SP1: variants seen among roughly 807,000 people sequenced by gnomAD.
SP1 encodes the protein transcription factor Sp1.
SP1 carries 6 observed loss-of-function variants against 66.3 expected under a neutral mutation model. The ratio of observed to expected loss-of-function variants is 0.09; its 90% confidence interval spans 0.05 to 0.18. The LOEUF (loss-of-function observed/expected upper bound fraction) is 0.18. SP1 is among the 10% of genes least tolerant of loss of function. The probability of loss-of-function intolerance (pLI) is 1.00; values close to 1 mark genes in which losing one functional copy is unlikely to be tolerated. For synonymous variants in SP1, 417 were observed against 360.8 expected, an observed-to-expected ratio of 1.16 and a Z score of -1.77; for missense variants, 848 against 964.5, an observed-to-expected ratio of 0.88 and a Z score of 1.60.
chr12:53,389,825 TTCTG>T (rs1325828879), intron 3 of SP1, among the ~76,000 whole-genome samples: 3 of 152,108 alleles, frequency 2.0e-5, no homozygotes, highest in African/African-American at 7.2e-5. Flanking sequence ...TTCTTGTGAG[TTCTG>T]TCTAATAAAG....
intron 3 of SP1, among the ~76,000 whole-genome samples, chr12:53,389,243 C>T (rs1490469068): frequency 5.2e-5 from 6 of 114,376 alleles, no homozygotes; most frequent in South Asian, 5.4e-4. Context: ...TTTTGGGAGA[C>T]GGAGTTTCAT....
At chr12:53,393,312 T>C (rs1938398344) in intron 3 of SP1, among the ~76,000 whole-genome samples, 1 of 152,102 alleles carries the variant, frequency 6.6e-6, no homozygotes, top group Non-Finnish European at 1.5e-5. Flanking sequence ...TTTTTCTTTT[T>C]TTTGAGACGG....
intron 3 of SP1, among the ~76,000 whole-genome samples, chr12:53,388,104 G>C (rs1288134344): frequency 6.6e-6 from 1 of 152,114 alleles, no homozygotes; most frequent in Non-Finnish European, 1.5e-5. Context: ...TATGGGAATA[G>C]AAATGGGAAA....
At chr12:53,387,781 C>T (rs1938263781) in intron 3 of SP1, among the ~76,000 whole-genome samples, 1 of 152,084 alleles carries the variant, frequency 6.6e-6, no homozygotes, top group Admixed American at 6.6e-5. Context: ...GTCAGGAGAT[C>T]AAGACCATCC....
chr12:53,405,709 AGGAG>A (rs1284010938), intron 3 of SP1, among the ~76,000 whole-genome samples: 9 of 148,240 alleles, frequency 6.1e-5, no homozygotes, highest in Admixed American at 2.7e-4. Context: ...GAAGGAGGGA[AGGAG>A]GGAGGGAGGG....
Position 53,382,946 on chromosome 12 carries a change from C to A in SP1, c.999C>A (p.Thr333=), listed in dbSNP as rs761854522. ...ATAGCTACTCAACTACTACTACCACCAGCAACATGGGAATTATGAACTTTA... is the reference window on the plus strand; with the variant it reads ...ATAGCTACTCAACTACTACTACCACAAGCAACATGGGAATTATGAACTTTA... ...NANSYSTTTT[T]SNMGIMNFTT... is the part of the protein sequence containing the mutation. The change falls in exon 3 of 6, where the codon ACC becomes ACA. Residue 333 remains threonine (T), a synonymous_variant. Transcript: ENST00000327443. 1 of 1,614,058 alleles carries A rather than the reference C, an allele frequency of 6.2e-7. No individual in the cohort carries two copies. The highest frequency in any genetic ancestry group is 1.1e-5 in the South Asian group (1 of 91,086).
rs776890112 is a variant in SP1, at chr12:53,383,188, C to G, written c.1241C>G (p.Ala414Gly). The G allele has an allele frequency of 4.3e-6, 7 of 1,614,112 alleles. No homozygotes were observed. Among genetic ancestry groups the G allele is most frequent in the Non-Finnish European group, 5.9e-6 (7 of 1,180,056 alleles). ...QLVQGGQALQ[A>G]LQAAPLSGQT... ...GTTCAAGGGGGACAGGCCCTCCAGGCCCTCCAAGCAGCACCATTGTCAGGG... is the reference window on the plus strand; with the variant it reads ...GTTCAAGGGGGACAGGCCCTCCAGGGCCTCCAAGCAGCACCATTGTCAGGG... The change falls in exon 3 of 6, where the codon GCC becomes GGC. Residue 414 changes from alanine to glycine, a missense_variant. By Grantham distance (60) the Ala-to-Gly change is moderately conservative (BLOSUM62 0). Coordinates refer to ENST00000327443, the MANE Select transcript of SP1 (RefSeq NM_138473.3).
rs1006232023 is a variant in SP1, at chr12:53,380,535, C to T, written c.7+237C>T. On this transcript the variant is annotated intron_variant, in intron 1 of 5. Coordinates refer to ENST00000327443, the MANE Select transcript of SP1 (RefSeq NM_138473.3). ...AGGGGGCAGCGTGGCCTCGCCCGCC[C>T]CCTGCCCGCCCCGGCCACGGGGGAC... 8 of 608,164 alleles carry T rather than the reference C, an allele frequency of 1.3e-5. No individual in the cohort carries two copies. In the African/African-American group the frequency reaches 1.4e-4, roughly 10 times the overall value. 37.7% of individuals were successfully genotyped at this position (608,164 alleles called of 1,614,324 possible).
chr12:53,408,553 C>G (rs1249803881), intron 4 of SP1, among the ~76,000 whole-genome samples: 1 of 151,554 alleles, frequency 6.6e-6, no homozygotes, highest in African/African-American at 2.4e-5. Context: ...GCCTCGGCCT[C>G]CAAAAGTGTT....
chr12:53,385,775 T>C (rs1938214240), intron 3 of SP1, among the ~76,000 whole-genome samples: 1 of 151,434 alleles, frequency 6.6e-6, no homozygotes, highest in Admixed American at 6.6e-5. Context: ...TAGCCGGGCG[T>C]GGTGGTACAA....
At chr12:53,397,579 C>CT (rs1402737108) in intron 3 of SP1, among the ~76,000 whole-genome samples, 23 of 144,080 alleles carry the variant, frequency 1.6e-4, no homozygotes, top group Admixed American at 2.8e-4. Flanking sequence ...ACTCTTTTTC[C>CT]TTTTTTTTTC....
At chr12:53,390,365 G>A (rs962616856) in intron 3 of SP1, among the ~76,000 whole-genome samples, 1 of 152,094 alleles carries the variant, frequency 6.6e-6, no homozygotes, top group Non-Finnish European at 1.5e-5. Flanking sequence ...AGTTTAAGTA[G>A]GAAAGATCTC....
chr12:53,407,304 TAA>T (rs1390030422), intron 4 of SP1, among the ~76,000 whole-genome samples: 3 of 146,144 alleles, frequency 2.1e-5, no homozygotes, highest in African/African-American at 7.6e-5. Flanking sequence ...TTACTGGCCA[TAA>T]AAAGAGAAAA....
chr12:53,387,549 A>G (rs1306236035), intron 3 of SP1, among the ~76,000 whole-genome samples: 1 of 152,224 alleles, frequency 6.6e-6, no homozygotes, highest in Non-Finnish European at 1.5e-5. Context: ...GAAGTTATTT[A>G]GTACAACTGC....
In SP1 at chr12:53,408,800, G is replaced by A. The variant is rs531505999; in HGVS notation, c.1845-562G>A. 5.7e-3 allele frequency among the ~76,000 whole-genome samples: 870 copies of A among 152,182 alleles called. 4 individuals are homozygous for A. Among genetic ancestry groups the A allele is most frequent in the Non-Finnish European group, 9.2e-3 (627 of 67,982 alleles). ...GGGCACCCATAGTCCCAGCTACTCG[G>A]GAGGCTGAGGCAGGAGAATGGCGTG... is the stretch of plus-strand genomic sequence containing the variant. On this transcript the variant is annotated intron_variant, in intron 4 of 5. Coordinates refer to ENST00000327443, the MANE Select transcript of SP1 (RefSeq NM_138473.3).
At chr12:53,394,546 A>G (rs1592562965) in intron 3 of SP1, among the ~76,000 whole-genome samples, 4 of 125,032 alleles carry the variant, frequency 3.2e-5, no homozygotes, top group Admixed American at 2.5e-4. Flanking sequence ...GGGTTTACGG[A>G]TATCGGCCAC....
intron 5 of SP1, among the ~76,000 whole-genome samples, 171 bp from the exon 6 acceptor site, chr12:53,410,756 G>A (rs1004395424): frequency 1.3e-5 from 2 of 152,230 alleles, no homozygotes; most frequent in African/African-American, 4.8e-5. Flanking sequence ...GCCTCCCAAA[G>A]TGCTGGGATT....
chr12:53,383,223 A>G lies in SP1; in HGVS notation c.1276A>G (p.Thr426Ala), dbSNP rs751526065. The change falls in exon 3 of 6, where the codon ACA becomes GCA. Residue 426 changes from threonine (T) to alanine (A), a missense_variant. Thr to Ala is a moderately conservative substitution (Grantham distance 58). Coordinates refer to ENST00000327443, the MANE Select transcript of SP1 (RefSeq NM_138473.3). ...QAAPLSGQTF[T>A]TQAISQETLQ... is the part of the protein sequence containing the mutation. ...AGCACCATTGTCAGGGCAGACCTTT[A>G]CAACTCAAGCCATCTCCCAGGAAAC... is the stretch of plus-strand genomic sequence containing the variant. 1.2e-6 allele frequency: 2 copies of G among 1,614,186 alleles called. No homozygotes were observed. The highest frequency in any genetic ancestry group is 1.7e-6 in the Non-Finnish European group (2 of 1,180,028).
intron 3 of SP1, among the ~76,000 whole-genome samples, chr12:53,395,517 T>G (rs1938468739): frequency 6.6e-6 from 1 of 152,192 alleles, no homozygotes; most frequent in Non-Finnish European, 1.5e-5. Context: ...CCAGTATACT[T>G]AGTAATAAAT....
Sources: gnomAD v4.1 joint callset for allele counts (sites outside exome capture counted in the v4.1 genomes callset) on GRCh38, gnomAD v4.1.1 for gene constraint, MANE v1.5 for transcripts, NCBI Gene and HGNC (gene_info 2026-07-23, HGNC 2026-07-21) for gene names.